FNBP1: variants seen among roughly 807,000 people sequenced by gnomAD.
FNBP1 encodes formin binding protein 1, also known as formin-binding protein 1.
In FNBP1, 26 loss-of-function variants were observed where a neutral mutation model predicts 90.6. The ratio of observed to expected loss-of-function variants is 0.29; its 90% CI spans 0.21 to 0.40. The LOEUF is 0.40. Among genes scored for constraint, FNBP1 ranks in the 10% least tolerant of loss-of-function variants. The pLI is 1.00. For synonymous variants in FNBP1, 260 were observed against 265.2 expected (o/e 0.98, Z 0.19); for missense variants, 635 against 768.0 (o/e 0.83, Z 2.05).
chr9:129,926,389 A>G (rs2041911285), intron 8 of FNBP1, among the ~76,000 whole-genome samples: 1 of 152,232 alleles, frequency 6.6e-6, no homozygotes, highest in Admixed American at 6.5e-5. Flanking sequence ...AATGGAGAAC[A>G]CTGCCCTAAA....
intron 1 of FNBP1, among the ~76,000 whole-genome samples, chr9:130,030,902 A>G (rs563552853): frequency 1.3e-5 from 2 of 152,344 alleles, no homozygotes; most frequent in African/African-American, 4.8e-5. Context: ...ACAAGGTTGT[A>G]TCATCTGAGC....
At chr9:129,971,273 A>G (rs1234115980) in intron 4 of FNBP1, among the ~76,000 whole-genome samples, 4 of 152,210 alleles carry the variant, frequency 2.6e-5, no homozygotes, top group East Asian at 1.9e-4. Flanking sequence ...ATGGATATTC[A>G]TAACATTAAA....
upstream of FNBP1, among the ~76,000 whole-genome samples, chr9:130,048,068 C>T (rs1397117231): frequency 6.6e-6 from 1 of 151,850 alleles, no homozygotes; most frequent in African/African-American, 2.4e-5. Flanking sequence ...GCCTGTAATC[C>T]CAACACTTTA....
At chr9:130,034,327 AAAC>A (rs926731613) in intron 1 of FNBP1, among the ~76,000 whole-genome samples, 5 of 151,376 alleles carry the variant, frequency 3.3e-5, no homozygotes, top group South Asian at 2.1e-4. Flanking sequence ...AAAAAAAAAA[AAAC>A]AAGTTGGTCA....
rs1216398298 is a variant in FNBP1, at chr9:129,893,612, C to CAAAAAAAAAAAAAAAAAAAAAAAA, written c.1846+2202_1846+2225dup. Reference sequence around the variant, plus strand: ...TAGGTGACAGAGTGAGACTCTGTCTCAAAAAAAAAAAAAAAAAAAAAAAAA... The same window carrying CAAAAAAAAAAAAAAAAAAAAAAAA: ...TAGGTGACAGAGTGAGACTCTGTCTCAAAAAAAAAAAAAAAAAAAAAAAAAAAAAAAAAAAAAAAAAAAAAAAAA... On this transcript the variant is annotated intron_variant, in intron 16 of 16. Transcript: ENST00000446176. 9.0e-5 allele frequency among the ~76,000 whole-genome samples: 2 copies of CAAAAAAAAAAAAAAAAAAAAAAAA among 22,314 alleles called. 1 individual carries two copies. Among genetic ancestry groups the CAAAAAAAAAAAAAAAAAAAAAAAA allele is most frequent in the Non-Finnish European group, 1.6e-4 (2 of 12,398 alleles). 14.6% of individuals were successfully genotyped at this position (22,314 alleles called of 152,430 possible).
chr9:129,900,421 T>C lies in FNBP1; in HGVS notation c.1550+5A>G. 7.0e-6 allele frequency: 11 copies of C among 1,577,772 alleles called. No individual in the cohort carries two copies. The highest frequency in any genetic ancestry group is 4.7e-5 in the South Asian group (4 of 85,496). On this transcript the variant is annotated splice_donor_5th_base_variant and intron_variant, in intron 14 of 16. Coordinates refer to ENST00000446176, the MANE Select transcript of FNBP1 (RefSeq NM_015033.3). The surrounding 1 kb of genome is among the most constrained non-coding windows in gnomAD (Gnocchi z 4.1). ...CCAGAGGCAGGCGCTGTGCAGATAC[T>C]GTACCTCTCACGGTCCTGGGCGCAG... is the stretch of plus-strand genomic sequence containing the variant.
chr9:130,017,066 C>T (rs2057310363), intron 1 of FNBP1, among the ~76,000 whole-genome samples: 1 of 151,936 alleles, frequency 6.6e-6, no homozygotes, highest in Non-Finnish European at 1.5e-5. Context: ...AGCAACATAG[C>T]AAGACCCCAT....
Position 129,897,129 on chromosome 9 carries a change from T to C in FNBP1, c.1688-1133A>G, listed in dbSNP as rs78684722. Among the ~76,000 whole-genome samples the C allele has an allele frequency of 4.5e-3, 686 of 152,290 alleles. 4 individuals carry two copies. Among genetic ancestry groups the C allele is most frequent in the African/African-American group, 0.016 (662 of 41,554 alleles). ...TCCTGCTTTTCCACTTCCCTAGACC[T>C]CTCTGTCCTCCCAGGAATGCAACTC... On this transcript the variant is annotated intron_variant, in intron 15 of 16. Transcript: ENST00000446176.
At chr9:129,930,123 C>T (rs1028626053) in intron 6 of FNBP1, among the ~76,000 whole-genome samples, 9 of 151,370 alleles carry the variant, frequency 5.9e-5, no homozygotes, top group African/African-American at 1.9e-4. Context: ...TGCAGTGGCA[C>T]GATCCTGGCT....
intron 6 of FNBP1, among the ~76,000 whole-genome samples, chr9:129,950,085 A>G (rs961093933): frequency 1.3e-5 from 2 of 152,234 alleles, no homozygotes; most frequent in Non-Finnish European, 2.9e-5. Context: ...GTCAGAAATC[A>G]TAATGGGAGA....
intron 1 of FNBP1, among the ~76,000 whole-genome samples, chr9:130,011,713 C>T (rs2056628715): frequency 6.6e-6 from 1 of 152,120 alleles, no homozygotes; most frequent in African/African-American, 2.4e-5. Flanking sequence ...ATAAATTATC[C>T]ACTCTCAGGT....
At chr9:129,896,089 G>A (rs1588341993) in intron 15 of FNBP1, 93 bp from the exon 16 acceptor site, 2 of 1,348,718 alleles carry the variant, frequency 1.5e-6, no homozygotes, top group East Asian at 4.7e-5. Context: ...TGTCGTCGAA[G>A]ATGAAGTCCA....
chr9:129,998,195 C>T (rs1364908959), intron 1 of FNBP1, among the ~76,000 whole-genome samples: 4 of 86,104 alleles, frequency 4.6e-5, no homozygotes, highest in African/African-American at 8.9e-5. Context: ...GACTCTGTCT[C>T]GAAAAAAAAA....
intron 6 of FNBP1, among the ~76,000 whole-genome samples, chr9:129,948,795 C>A (rs2045741811): frequency 6.6e-6 from 1 of 152,058 alleles, no homozygotes; most frequent in African/African-American, 2.4e-5. Context: ...CCAGCCTCAG[C>A]CTCTCAAAGT....
At chr9:129,965,375 G>C (rs1341636098) in intron 4 of FNBP1, among the ~76,000 whole-genome samples, 1 of 152,168 alleles carries the variant, frequency 6.6e-6, no homozygotes. Flanking sequence ...TCAGTTGCTT[G>C]ACTTTACCCG....
intron 11 of FNBP1, among the ~76,000 whole-genome samples, chr9:129,912,604 C>T (rs1468378975): frequency 1.3e-5 from 2 of 148,542 alleles, no homozygotes; most frequent in African/African-American, 4.9e-5. Flanking sequence ...AGGAAAATCG[C>T]TTGAACCCGG....
At chr9:129,896,923 G>T (rs759902072) in intron 15 of FNBP1, among the ~76,000 whole-genome samples, 3 of 152,158 alleles carry the variant, frequency 2.0e-5, no homozygotes, top group Non-Finnish European at 4.4e-5. Context: ...GAGCCACCAC[G>T]CCCGGCCCAA....
chr9:130,039,861 G>C (rs936212494), intron 1 of FNBP1, among the ~76,000 whole-genome samples: 1 of 152,074 alleles, frequency 6.6e-6, no homozygotes, highest in Non-Finnish European at 1.5e-5. Context: ...TTAACCTGAA[G>C]TCCTAAAATG....
At chr9:129,967,330 A>T (rs192693366) in intron 4 of FNBP1, among the ~76,000 whole-genome samples, 60 of 152,332 alleles carry the variant, frequency 3.9e-4, no homozygotes, top group African/African-American at 1.3e-3. Flanking sequence ...AGCCTGGCCA[A>T]TATGGCAAAA....
Sources: gnomAD v4.1 joint callset for allele counts (sites outside exome capture counted in the v4.1 genomes callset) on GRCh38, gnomAD v4.1.1 for gene constraint, Gnocchi (gnomAD v3.1) non-coding constraint, MANE v1.5 for transcripts, NCBI Gene and HGNC (gene_info 2026-07-23, HGNC 2026-07-21) for gene names.